The following JADE3 variants were observed in gnomAD, a reference collection of about 807,000 sequenced individuals.
The protein encoded by JADE3 is jade family PHD finger 3, also known as protein Jade-3.
JADE3 carries 2 observed loss-of-function variants against 50.1 expected under a neutral mutation model. That is an observed-to-expected ratio of 0.04 (90% CI 0.02 to 0.13). JADE3 has a LOEUF of 0.13. Ranked by LOEUF, JADE3 falls within the 10% of genes least tolerant of loss-of-function variation. The pLI is 1.00. For missense variants in JADE3, 475 were observed against 634.4 expected, an observed-to-expected ratio of 0.75 and a Z score of 2.70; for synonymous variants, 218 against 232.9, an observed-to-expected ratio of 0.94 and a Z score of 0.58.
intron 3 of JADE3, among the ~76,000 whole-genome samples, chrX:46,996,188 C>T (rs1342273604): frequency 1.8e-5 from 2 of 111,844 alleles, no homozygotes; most frequent in African/African-American, 6.5e-5. Flanking sequence ...AGGCATGCAC[C>T]GCCACACCTG....
At chrX:46,928,462 C>G (rs1264011798) in intron 1 of JADE3, among the ~76,000 whole-genome samples, 1 of 112,297 alleles carries the variant, frequency 8.9e-6, no homozygotes, top group African/African-American at 3.2e-5. Flanking sequence ...CCTTCAGGTT[C>G]TCTGCATCTT....
chrX:46,982,271 T>C (rs1556353194), intron 1 of JADE3, among the ~76,000 whole-genome samples: 1 of 111,594 alleles, frequency 9.0e-6, no homozygotes, highest in East Asian at 2.8e-4. Context: ...GAATTTTTCA[T>C]TTCAATTGTG....
At chrX:46,937,964 G>A (rs1426866954) in intron 1 of JADE3, among the ~76,000 whole-genome samples, 2 of 111,817 alleles carry the variant, frequency 1.8e-5, no homozygotes, top group Non-Finnish European at 3.8e-5. Flanking sequence ...TGGGCGATGA[G>A]CAAAACTGCA....
chrX:46,923,761 T>C (rs1170129947), intron 1 of JADE3, among the ~76,000 whole-genome samples: 1 of 110,816 alleles, frequency 9.0e-6, no homozygotes, highest in Non-Finnish European at 1.9e-5. Context: ...TCATTTTGAC[T>C]CTTGCTTAGC....
At chrX:47,055,034 G>T (rs1036986269) in intron 9 of JADE3, among the ~76,000 whole-genome samples, 162 of 110,871 alleles carry the variant, frequency 1.5e-3, no homozygotes, top group African/African-American at 5.1e-3. Context: ...CTGGATAGTT[G>T]TTTGTTGTTA....
intron 4 of JADE3, among the ~76,000 whole-genome samples, chrX:47,001,353 A>C (rs1255432698): frequency 8.9e-6 from 1 of 111,798 alleles, no homozygotes; most frequent in Non-Finnish European, 1.9e-5. Context: ...CTGACATGAT[A>C]CTGATGCCAC....
Position 47,054,420 on chromosome X carries a change from G to T in JADE3, c.1235G>T (p.Arg412Leu). ...GAGGAGGAGTTCTATTCCTTGGTAC[G>T]AGTGGAAGATGTGGCCGCAGAGCTG... Reference protein sequence around the residue: ...ELEEEFYSLVRVEDVAAELGM... With the variant: ...ELEEEFYSLVLVEDVAAELGM... Residue 412 changes from arginine to leucine, a missense_variant, in exon 9 of 11, where the codon CGA becomes CTA. Coordinates refer to ENST00000614628, the MANE Select transcript of JADE3 (RefSeq NM_014735.5). The T allele has an allele frequency of 2.5e-6, 3 of 1,211,445 alleles. No homozygotes were observed. The highest frequency in any genetic ancestry group is 3.4e-6 in the Non-Finnish European group (3 of 895,156).
rs1313641011 is a variant in JADE3, at chrX:47,059,426, C to G, written c.*349C>G. 6.9e-6 allele frequency: 1 copy of G among 144,819 alleles called. No homozygotes were observed. The highest frequency in any genetic ancestry group is 3.1e-5 in the African/African-American group (1 of 31,814). The allele number at this position is 144,819 out of a possible 1,213,427, so 11.9% of individuals were successfully genotyped here. On this transcript the variant is annotated 3_prime_UTR_variant, in exon 11 of 11. Transcript: ENST00000614628. ...CATTGTTAACTGATTTGCAAGAGACCATGATTATCAGACACTAAAACTACT... is the reference window on the plus strand; with the variant it reads ...CATTGTTAACTGATTTGCAAGAGACGATGATTATCAGACACTAAAACTACT...
chrX:46,967,661 G>C (rs1927396925), intron 1 of JADE3, among the ~76,000 whole-genome samples: 1 of 111,549 alleles, frequency 9.0e-6, no homozygotes, highest in Non-Finnish European at 1.9e-5. Context: ...TCCTGGGGCG[G>C]CTACTGGAGC....
intron 3 of JADE3, among the ~76,000 whole-genome samples, chrX:46,986,551 T>C (rs1411251913): frequency 8.9e-6 from 1 of 112,207 alleles, no homozygotes; most frequent in African/African-American, 3.2e-5. Context: ...AGAGATCTCC[T>C]GGCCTATGAT....
At chrX:47,003,146 G>A (rs1556359550) in intron 4 of JADE3, among the ~76,000 whole-genome samples, 3 of 110,965 alleles carry the variant, frequency 2.7e-5, no homozygotes, top group Non-Finnish European at 5.7e-5. Context: ...TGCATTGCTT[G>A]AGCAAACCTG....
At chrX:46,916,021 G>C (rs1490174921) in intron 1 of JADE3, among the ~76,000 whole-genome samples, 1 of 111,748 alleles carries the variant, frequency 8.9e-6, no homozygotes, top group African/African-American at 3.3e-5. Flanking sequence ...TGGCTGATGG[G>C]CAAGGAAACC....
At chrX:46,968,972 A>G (rs1394987275) in intron 1 of JADE3, among the ~76,000 whole-genome samples, 4 of 112,709 alleles carry the variant, frequency 3.5e-5, no homozygotes, top group African/African-American at 9.7e-5. Flanking sequence ...ACCCAACAAC[A>G]GCATAATATA....
intron 1 of JADE3, among the ~76,000 whole-genome samples, chrX:46,934,731 G>A (rs951604225): frequency 1.2e-4 from 13 of 109,939 alleles, no homozygotes; most frequent in African/African-American, 2.0e-4. Flanking sequence ...CACCGTGCCC[G>A]GCCTTCTTCT....
intron 1 of JADE3, among the ~76,000 whole-genome samples, chrX:46,975,120 CT>C (rs1556351306): frequency 1.8e-5 from 2 of 112,394 alleles, no homozygotes; most frequent in African/African-American, 6.5e-5. Flanking sequence ...AATGCAAAGT[CT>C]GTGCGACTGT....
intron 1 of JADE3, among the ~76,000 whole-genome samples, chrX:46,913,776 C>T (rs1221294019): frequency 1.8e-5 from 2 of 109,942 alleles, no homozygotes; most frequent in Admixed American, 1.9e-4. Context: ...AAGTTTTTAT[C>T]GCTGTGCGGC....
At chrX:46,957,261 A>G (rs1453905480) in intron 1 of JADE3, among the ~76,000 whole-genome samples, 1 of 112,450 alleles carries the variant, frequency 8.9e-6, no homozygotes, top group Non-Finnish European at 1.9e-5. Flanking sequence ...AGATAGATAT[A>G]AACGATATAT....
chrX:46,975,383 A>T lies in JADE3; in HGVS notation c.-11-9501A>T, dbSNP rs1012516017. 2.7e-5 allele frequency among the ~76,000 whole-genome samples: 3 copies of T among 112,336 alleles called. No homozygotes were observed. The East Asian group carries it at 8.3e-4, about 31-fold the overall frequency. On this transcript the variant is annotated intron_variant, in intron 1 of 10. Coordinates refer to ENST00000614628, the MANE Select transcript of JADE3 (RefSeq NM_014735.5). Reference sequence around the variant, plus strand: ...TGGGGAATGGAAAAATTCAGAAAGAATGTTTTTATCAACCAGAAATCTGTC... The same window carrying T: ...TGGGGAATGGAAAAATTCAGAAAGATTGTTTTTATCAACCAGAAATCTGTC...
intron 4 of JADE3, among the ~76,000 whole-genome samples, chrX:47,019,463 C>T (rs1928746769): frequency 9.0e-6 from 1 of 111,675 alleles, no homozygotes; most frequent in South Asian, 3.8e-4. Context: ...TAGCTCTCTA[C>T]AGCCTCAAAT....
Sources: allele counts gnomAD v4.1 joint callset (sites outside exome capture counted in the v4.1 genomes callset), GRCh38; gene constraint gnomAD v4.1.1; transcripts MANE v1.5; gene names NCBI Gene and HGNC (gene_info 2026-07-23, HGNC 2026-07-21).